The following LRRTM4 variants were observed in gnomAD, a reference collection of about 807,000 sequenced individuals.
The protein encoded by LRRTM4 is leucine rich repeat transmembrane neuronal 4.
A neutral mutation model predicts 47.6 loss-of-function variants in LRRTM4; 25 were observed. The observed-to-expected ratio is 0.53, with a 90% CI of 0.38 to 0.73. The LOEUF is 0.73. Among genes scored for constraint, LRRTM4 ranks in the 30% least tolerant of loss-of-function variants. The pLI is 0.00. For synonymous variants in LRRTM4, 311 were observed against 269.5 expected (o/e 1.15, Z -1.51); for missense variants, 638 against 713.4 (o/e 0.89, Z 1.20).
chr2:77,521,759 C>G lies in LRRTM4; in HGVS notation c.-88G>C, dbSNP rs1465569326. ...GGAAACCACCACCACCTTCATGACA[C>G]AGTGCGGCTGTCATTCACACCATTC... is the stretch of plus-strand genomic sequence containing the variant. On this transcript the variant is annotated 5_prime_UTR_variant, in exon 2 of 4. Coordinates refer to ENST00000409884, the MANE Select transcript of LRRTM4 (RefSeq NM_001134745.3). The G allele has an allele frequency of 5.5e-6, 8 of 1,464,578 alleles. No homozygotes were observed. The highest frequency in any genetic ancestry group is 7.6e-6 in the Non-Finnish European group (8 of 1,049,722). 90.7% of individuals were successfully genotyped at this position (1,464,578 alleles called of 1,614,324 possible). A position where few individuals can be genotyped will look rare whatever the true frequency, so the allele number is the denominator to read the frequency against.
At chr2:76,900,342 AATTT>A (rs3055973) in intron 3 of LRRTM4, among the ~76,000 whole-genome samples, 55,473 of 151,706 alleles carry the variant, frequency 0.37, 11,023 homozygotes, top group East Asian at 0.72. Context: ...TAAAAATATG[AATTT>A]ATTTAAATAG....
At chr2:76,957,632 T>G (rs548449536) in intron 3 of LRRTM4, among the ~76,000 whole-genome samples, 7 of 151,736 alleles carry the variant, frequency 4.6e-5, no homozygotes, top group Non-Finnish European at 1.0e-4. Context: ...ATTATCATAT[T>G]TGACTGTCCT....
chr2:77,113,831 G>T (rs1450536562), intron 3 of LRRTM4, among the ~76,000 whole-genome samples: 1 of 152,038 alleles, frequency 6.6e-6, no homozygotes, highest in Non-Finnish European at 1.5e-5. Flanking sequence ...GTTTGGCCCC[G>T]GAGCCATTAG....
chr2:76,800,874 C>G (rs1440721586), intron 3 of LRRTM4, among the ~76,000 whole-genome samples: 1 of 150,932 alleles, frequency 6.6e-6, no homozygotes, highest in South Asian at 2.1e-4. Flanking sequence ...CACTGGCCAT[C>G]AGAAAATGCA....
intron 3 of LRRTM4, among the ~76,000 whole-genome samples, chr2:77,224,051 T>C (rs957875912): frequency 5.3e-5 from 8 of 150,974 alleles, no homozygotes; most frequent in African/African-American, 1.5e-4. Context: ...TCAGAAATGA[T>C]GCCGCATATC....
At chr2:77,040,669 T>C (rs777125448) in intron 3 of LRRTM4, among the ~76,000 whole-genome samples, 14 of 151,328 alleles carry the variant, frequency 9.3e-5, no homozygotes, top group Non-Finnish European at 1.5e-4. Context: ...GACATATATA[T>C]TGGGCTGATA....
chr2:76,934,022 G>A (rs943251387), intron 3 of LRRTM4, among the ~76,000 whole-genome samples: 1 of 152,022 alleles, frequency 6.6e-6, no homozygotes, highest in African/African-American at 2.4e-5. Flanking sequence ...CTAAGACGTC[G>A]ATAACATTCA....
intron 3 of LRRTM4, among the ~76,000 whole-genome samples, chr2:76,991,629 T>C (rs1005159913): frequency 1.3e-5 from 2 of 151,580 alleles, no homozygotes; most frequent in African/African-American, 4.8e-5. Context: ...AGTTCTGAAA[T>C]TGCATCAATC....
chr2:77,192,402 C>T (rs1673693355), intron 3 of LRRTM4, among the ~76,000 whole-genome samples: 1 of 151,678 alleles, frequency 6.6e-6, no homozygotes, highest in Admixed American at 6.6e-5. Context: ...TCTCATGAAA[C>T]AACATCGGGT....
chr2:77,035,050 A>T (rs1573479915), intron 3 of LRRTM4, among the ~76,000 whole-genome samples: 2 of 151,526 alleles, frequency 1.3e-5, no homozygotes, highest in South Asian at 4.2e-4. Context: ...TATTTTTATT[A>T]TTTTTTTTCT....
At chr2:76,757,143 G>A (rs1030728849) in intron 3 of LRRTM4, among the ~76,000 whole-genome samples, 4 of 151,910 alleles carry the variant, frequency 2.6e-5, no homozygotes, top group Admixed American at 6.6e-5. Context: ...GATTGAGCAC[G>A]CAAAATGTAC....
At chr2:76,785,136 CA>C in intron 3 of LRRTM4, among the ~76,000 whole-genome samples, 1 of 152,066 alleles carries the variant, frequency 6.6e-6, no homozygotes, top group Non-Finnish European at 1.5e-5. Context: ...GAAGGAAGTA[CA>C]AACAATTAAT....
chr2:76,962,112 AGGCTT>A (rs888981025), intron 3 of LRRTM4, among the ~76,000 whole-genome samples: 4 of 151,254 alleles, frequency 2.6e-5, no homozygotes, highest in African/African-American at 7.3e-5. Flanking sequence ...GATAGAACTA[AGGCTT>A]GGAGTAGTAA....
At chr2:76,829,292 C>T (rs60398626) in intron 3 of LRRTM4, among the ~76,000 whole-genome samples, 69,270 of 151,500 alleles carry the variant, frequency 0.46, 16,927 homozygotes, top group East Asian at 0.76. Context: ...TAAGGCTCCT[C>T]GAGTGCAGGA....
intron 3 of LRRTM4, among the ~76,000 whole-genome samples, chr2:76,999,808 A>C (rs945216462): frequency 1.8e-4 from 27 of 152,250 alleles, no homozygotes; most frequent in African/African-American, 6.5e-4. Context: ...CTCAACTAAA[A>C]GTCATTTTGA....
At chr2:76,916,403 A>AAG (rs1553430734) in intron 3 of LRRTM4, among the ~76,000 whole-genome samples, 1,817 of 138,298 alleles carry the variant, frequency 0.013, 29 homozygotes, top group Non-Finnish European at 0.019. Flanking sequence ...AAAAAAAAAA[A>AAG]AAAAGAAAAG....
intron 3 of LRRTM4, among the ~76,000 whole-genome samples, chr2:77,492,439 T>G (rs776049005): frequency 1.3e-5 from 2 of 152,046 alleles, no homozygotes; most frequent in African/African-American, 2.4e-5. Context: ...TTTAATTTTG[T>G]GTGGAGATGG....
chr2:76,825,079 T>C (rs369377865), intron 3 of LRRTM4, among the ~76,000 whole-genome samples: 1 of 151,618 alleles, frequency 6.6e-6, no homozygotes, highest in Admixed American at 6.6e-5. Flanking sequence ...GACCTAGAGC[T>C]CAGTCTCATA....
chr2:76,823,687 C>T (rs568657216), intron 3 of LRRTM4, among the ~76,000 whole-genome samples: 106 of 151,116 alleles, frequency 7.0e-4, no homozygotes, highest in Non-Finnish European at 1.4e-3. Context: ...AGTTCTTCAA[C>T]AACAATAAAC....
Sources: gnomAD v4.1 joint callset for allele counts (sites outside exome capture counted in the v4.1 genomes callset) on GRCh38, gnomAD v4.1.1 for gene constraint, MANE v1.5 for transcripts, NCBI Gene and HGNC (gene_info 2026-07-23, HGNC 2026-07-21) for gene names.